CTNNA3: variants seen among roughly 807,000 people sequenced by gnomAD.
CTNNA3 encodes the protein catenin alpha 3, also known as catenin alpha-3.
In CTNNA3, 76 loss-of-function variants were observed where a neutral mutation model predicts 95.7. The observed-to-expected ratio is 0.79, with a 90% CI of 0.66 to 0.96. The LOEUF is 0.96. Ranked by LOEUF, CTNNA3 falls within the 40% of genes least tolerant of loss-of-function variation. CTNNA3 has a pLI of 0.00. For synonymous variants in CTNNA3, 431 were observed against 374.4 expected, an observed-to-expected ratio of 1.15 and a Z score of -1.74; for missense variants, 1,191 against 1,089.8, an observed-to-expected ratio of 1.09 and a Z score of -1.31.
intron 1 of CTNNA3, among the ~76,000 whole-genome samples, chr10:67,706,282 G>T (rs1371742879): frequency 6.6e-6 from 1 of 152,064 alleles, no homozygotes; most frequent in Non-Finnish European, 1.5e-5. Flanking sequence ...GAGCTTGTAA[G>T]CACATAGTTG....
rs568699386 is a variant in CTNNA3, at chr10:67,617,677, G to T, written c.100-10628C>A. 6.5e-4 allele frequency among the ~76,000 whole-genome samples: 99 copies of T among 151,844 alleles called. 2 individuals carry two copies. In the South Asian group the frequency reaches 0.02, roughly 31 times the overall value. Reference sequence around the variant, plus strand: ...GTTTTTAGGTCTTTGAGGAACTGCCGCACTGTTTTCCACAATGGTTGAACT... The same window carrying T: ...GTTTTTAGGTCTTTGAGGAACTGCCTCACTGTTTTCCACAATGGTTGAACT... On this transcript the variant is annotated intron_variant, in intron 2 of 17. Transcript: ENST00000433211.
rs868653048 is a variant in CTNNA3, at chr10:66,393,690, G to A, written c.1532-14338C>T. Among the ~76,000 whole-genome samples the A allele has an allele frequency of 2.0e-5, 3 of 152,020 alleles. No homozygotes were observed. The South Asian group carries it at 6.2e-4, about 31-fold the overall frequency. ...TTTCTTGGAGTTTTTAACAAATACT[G>A]TTTGAGTCTCTCTTCTTTTCCAGGC... On this transcript the variant is annotated intron_variant, in intron 11 of 17. Coordinates refer to ENST00000433211, the MANE Select transcript of CTNNA3 (RefSeq NM_013266.4).
chr10:66,118,196 A>G (rs1589452479), intron 13 of CTNNA3: 1 of 152,346 alleles, frequency 6.6e-6, no homozygotes, highest in East Asian at 1.9e-4. Context: ...TACAGGTGGC[A>G]TCTACTGGAT....
intron 7 of CTNNA3, among the ~76,000 whole-genome samples, chr10:66,996,412 G>A (rs578185932): frequency 1.3e-5 from 2 of 152,128 alleles, no homozygotes; most frequent in Admixed American, 1.3e-4. Context: ...TTGGGAGGCC[G>A]AGACGGGCAG....
chr10:66,229,376 G>A (rs937655153), intron 13 of CTNNA3, among the ~76,000 whole-genome samples: 1 of 152,018 alleles, frequency 6.6e-6, no homozygotes, highest in Non-Finnish European at 1.5e-5. Flanking sequence ...CCACGTGTCA[G>A]GCTCTCTTAT....
At chr10:67,610,053 T>C (rs1003480194) in intron 2 of CTNNA3, among the ~76,000 whole-genome samples, 1 of 152,242 alleles carries the variant, frequency 6.6e-6, no homozygotes, top group Non-Finnish European at 1.5e-5. Flanking sequence ...AGACAAATTA[T>C]AACTACCAGT....
intron 7 of CTNNA3, among the ~76,000 whole-genome samples, chr10:67,121,833 A>T (rs1457949561): frequency 6.6e-6 from 1 of 151,948 alleles, no homozygotes; most frequent in African/African-American, 2.4e-5. Flanking sequence ...ATCTCCAGAG[A>T]ACTGTTGCCA....
chr10:66,326,116 T>G (rs978342966), intron 12 of CTNNA3, among the ~76,000 whole-genome samples: 5 of 152,130 alleles, frequency 3.3e-5, no homozygotes, highest in Admixed American at 2.6e-4. Flanking sequence ...CCTTTACAAT[T>G]TTGAAAGTAA....
chr10:67,136,602 C>T (rs1860318829), intron 7 of CTNNA3, among the ~76,000 whole-genome samples: 1 of 152,034 alleles, frequency 6.6e-6, no homozygotes, highest in African/African-American at 2.4e-5. Flanking sequence ...CATTTTCTAT[C>T]TCCCACCAGC....
chr10:66,497,033 T>A (rs901389792), intron 11 of CTNNA3, among the ~76,000 whole-genome samples: 1 of 152,078 alleles, frequency 6.6e-6, no homozygotes, highest in Admixed American at 6.6e-5. Context: ...TGCAAGGACA[T>A]CAGTTATATT....
chr10:66,698,255 G>C (rs147043369), intron 9 of CTNNA3, among the ~76,000 whole-genome samples: 65 of 152,294 alleles, frequency 4.3e-4, no homozygotes, highest in African/African-American at 1.4e-3. Flanking sequence ...TCCATATCTG[G>C]TGAAGCATTT....
At chr10:66,472,009 A>G (rs988829531) in intron 11 of CTNNA3, among the ~76,000 whole-genome samples, 3 of 152,038 alleles carry the variant, frequency 2.0e-5, no homozygotes, top group Non-Finnish European at 2.9e-5. Flanking sequence ...AGCATTTGCT[A>G]TTTAGTTCAT....
At chr10:66,012,479 A>G (rs2079023328) in intron 15 of CTNNA3, among the ~76,000 whole-genome samples, 1 of 152,222 alleles carries the variant, frequency 6.6e-6, no homozygotes, top group East Asian at 1.9e-4. Context: ...AAAGGAGCTA[A>G]TTTCTCTCTT....
intron 7 of CTNNA3, among the ~76,000 whole-genome samples, chr10:66,935,679 G>A (rs1346229533): frequency 6.6e-6 from 1 of 151,834 alleles, no homozygotes; most frequent in Non-Finnish European, 1.5e-5. Flanking sequence ...CCTATAATGT[G>A]AAGATATTTT....
chr10:66,331,320 T>C (rs923137999), intron 12 of CTNNA3, among the ~76,000 whole-genome samples: 1 of 148,844 alleles, frequency 6.7e-6, no homozygotes, highest in Non-Finnish European at 1.5e-5. Flanking sequence ...TTATTAAATA[T>C]GGACTCCTTT....
intron 13 of CTNNA3, among the ~76,000 whole-genome samples, chr10:66,115,662 C>T (rs1006108491): frequency 6.6e-6 from 1 of 152,008 alleles, no homozygotes; most frequent in Non-Finnish European, 1.5e-5. Flanking sequence ...ATGTCTTTTA[C>T]TTTCAGAAAT....
chr10:67,381,973 A>G (rs1266750813), intron 5 of CTNNA3, among the ~76,000 whole-genome samples: 1 of 152,180 alleles, frequency 6.6e-6, no homozygotes, highest in African/African-American at 2.4e-5. Flanking sequence ...TTTGGTGACT[A>G]ATACTTAAAA....
intron 13 of CTNNA3, among the ~76,000 whole-genome samples, chr10:66,156,669 A>G (rs1209682348): frequency 6.6e-6 from 1 of 151,904 alleles, no homozygotes; most frequent in East Asian, 1.9e-4. Flanking sequence ...AGGAGATGAT[A>G]TTTCACATAT....
intron 7 of CTNNA3, among the ~76,000 whole-genome samples, chr10:66,954,319 A>C (rs1480384524): frequency 6.6e-6 from 1 of 152,166 alleles, no homozygotes; most frequent in East Asian, 1.9e-4. Flanking sequence ...TTCTGTGTCT[A>C]GTTAAACTAA....
Sources: gnomAD v4.1 joint callset for allele counts (sites outside exome capture counted in the v4.1 genomes callset) on GRCh38, gnomAD v4.1.1 for gene constraint, MANE v1.5 for transcripts, NCBI Gene and HGNC (gene_info 2026-07-23, HGNC 2026-07-21) for gene names.